GC: variants seen among roughly 807,000 people sequenced by gnomAD.
GC encodes GC vitamin D binding protein, also known as vitamin D-binding protein.
In GC, 43 loss-of-function variants were observed where a neutral mutation model predicts 56.7. The ratio of observed to expected loss-of-function variants is 0.76; its 90% confidence interval spans 0.59 to 0.98. The LOEUF (loss-of-function observed/expected upper bound fraction) is 0.98, where lower values mean the gene tolerates loss of function less well. Ranked by LOEUF, GC falls within the 50% of genes least tolerant of loss-of-function variation. The pLI is 0.00. For synonymous variants in GC, 216 were observed against 202.7 expected (o/e 1.07, Z -0.56); for missense variants, 529 against 545.9 (o/e 0.97, Z 0.31).
Position 71,765,346 on chromosome 4 carries a change from A to G in GC, c.473+86T>C. The G allele has an allele frequency of 3.0e-6, 3 of 997,572 alleles. No individual in the cohort carries two copies. In the South Asian group the frequency reaches 3.9e-5, roughly 13 times the overall value. The allele number at this position is 997,572 out of a possible 1,614,324, so 61.8% of individuals were successfully genotyped here. On this transcript the variant is annotated intron_variant, in intron 4 of 12. Transcript: ENST00000273951. ...GAATTTGTTCAGGTTGCTGTAGAAG[A>G]GGTGTTTCCACAGAGTAGGGGGTTA...
At chr4:71,765,348 G>A (rs1427254683) in intron 4 of GC, 84 bp downstream of exon 4, 9 of 1,031,138 alleles carry the variant, frequency 8.7e-6, no homozygotes, top group African/African-American at 6.3e-5. Context: ...TGTAGAAGAG[G>A]TGTTTCCACA....
chr4:71,795,521 C>T (rs1743076435), intron 1 of GC, among the ~76,000 whole-genome samples: 1 of 152,186 alleles, frequency 6.6e-6, no homozygotes, highest in South Asian at 2.1e-4. Flanking sequence ...AGATCTTCCT[C>T]CATCCCTTTA....
intron 3 of GC, among the ~76,000 whole-genome samples, chr4:71,767,654 T>G (rs983011164): frequency 1.3e-5 from 2 of 148,920 alleles, no homozygotes; most frequent in Admixed American, 1.3e-4. Flanking sequence ...AATGTATATA[T>G]ACATATATAT....
intron 8 of GC, among the ~76,000 whole-genome samples, chr4:71,756,292 C>T (rs1194804798): frequency 1.3e-5 from 2 of 152,128 alleles, no homozygotes; most frequent in East Asian, 3.9e-4. Context: ...GCATTGTATG[C>T]AAATATGTGT....
intron 1 of GC, among the ~76,000 whole-genome samples, chr4:71,781,084 A>C (rs1009240226): frequency 6.6e-6 from 1 of 152,136 alleles, no homozygotes; most frequent in African/African-American, 2.4e-5. Flanking sequence ...TGTCTTTTGC[A>C]GGGACATGGG....
intron 8 of GC, 26 bp downstream of exon 8, chr4:71,756,686 A>C (rs222033): frequency 1 from 1,529,087 of 1,530,730 alleles, 763,735 homozygotes; most frequent in East Asian, 1. Flanking sequence ...AAAATGGGAA[A>C]ACGTTTTCAC....
intron 2 of GC, 39 bp downstream of exon 2, chr4:71,769,292 T>A (rs1032807040): frequency 6.9e-7 from 1 of 1,453,724 alleles, no homozygotes; most frequent in East Asian, 2.3e-5. Context: ...TTGTTCAAGA[T>A]CAAATCACCA....
chr4:71,783,716 T>G (rs543875443), intron 1 of GC, among the ~76,000 whole-genome samples: 1 of 151,866 alleles, frequency 6.6e-6, no homozygotes, highest in South Asian at 2.1e-4. Flanking sequence ...AAGAGATAAT[T>G]GACAAATTAT....
chr4:71,796,658 A>G (rs1743113745), intron 1 of GC, among the ~76,000 whole-genome samples: 1 of 152,148 alleles, frequency 6.6e-6, no homozygotes, highest in Non-Finnish European at 1.5e-5. Flanking sequence ...TCTGAAGCCT[A>G]CTTCTGTCAG....
rs1741595333 is a variant in GC, at chr4:71,752,635, T to C, written c.1278A>G (p.Leu426=). ...TEYKKKLAER[L]KAKLPDATPT... ...GTGTGGCATCAGGCAATTTTGCTTT[T>C]AGTCGCTCTGCCAGTCTGAAAAACC... Residue 426 remains leucine, a synonymous_variant, in exon 11 of 13, where the codon CTA becomes CTG. Coordinates refer to ENST00000273951, the MANE Select transcript of GC (RefSeq NM_000583.4). 2.5e-6 allele frequency: 4 copies of C among 1,613,362 alleles called. No individual in the cohort carries two copies. Among genetic ancestry groups the C allele is most frequent in the Admixed American group, 3.3e-5 (2 of 59,918 alleles).
intron 4 of GC, 56 bp downstream of exon 4, chr4:71,765,376 A>T: frequency 7.5e-7 from 1 of 1,341,126 alleles, no homozygotes; most frequent in Non-Finnish European, 1.1e-6. Flanking sequence ...GGGTTAGATT[A>T]GAGTCATTTC....
chr4:71,756,749 CTTTG>C lies in GC; in HGVS notation c.993_996del (p.Asn331LysfsTer19), dbSNP rs1560693929. 6 of 1,613,762 alleles carry C rather than the reference CTTTG, an allele frequency of 3.7e-6. No individual in the cohort carries two copies. Among genetic ancestry groups the C allele is most frequent in the East Asian group, 2.2e-5 (1 of 44,866 alleles). ...TTGGTGTTTCCTGGATCACACACAT[CTTTG>C]TTTGTGGGCAACTCTACATCTGGAA... On this transcript the variant is annotated frameshift_variant, in exon 8 of 13. Transcript: ENST00000273951. LOFTEE classifies it high-confidence loss of function.
At chr4:71,786,396 A>G (rs185747058), upstream of GC, among the ~76,000 whole-genome samples, 1 of 151,810 alleles carries the variant, frequency 6.6e-6, no homozygotes, top group African/African-American at 2.4e-5. Context: ...TGGGGAAAAA[A>G]TGGGTGAAAA....
At position 71,765,429 on chromosome 4, in the gene GC, C is replaced by A. The variant is rs1259014947; in HGVS notation, c.473+3G>T. On this transcript the variant is annotated splice_donor_region_variant and intron_variant, in intron 4 of 12. Coordinates refer to ENST00000273951, the MANE Select transcript of GC (RefSeq NM_000583.4). The stretch of plus-strand genomic sequence containing the variant: ...AAGTTCTATTTATGATGAAGGCACT[C>A]ACTGATTAGCATATTCCTTTGGATC... 2 of 1,608,932 alleles carry A rather than the reference C, an allele frequency of 1.2e-6. No individual in the cohort carries two copies.
At chr4:71,758,554 C>T (rs937437162) in intron 6 of GC, among the ~76,000 whole-genome samples, 1 of 152,078 alleles carries the variant, frequency 6.6e-6, no homozygotes, top group African/African-American at 2.4e-5. Flanking sequence ...TTTATAAATT[C>T]TTTTAGAAAC....
At chr4:71,785,759 G>C (rs747565156), upstream of GC, among the ~76,000 whole-genome samples, 1 of 151,678 alleles carries the variant, frequency 6.6e-6, no homozygotes, top group African/African-American at 2.4e-5. Flanking sequence ...ATTTAAAAAT[G>C]TATTTTAGTT....
At chr4:71,750,900 C>CA (rs10550263) in intron 11 of GC, among the ~76,000 whole-genome samples, 1 of 151,690 alleles carries the variant, frequency 6.6e-6, no homozygotes, top group African/African-American at 2.4e-5. Context: ...AACAAACAAA[C>CA]AAAAAAAAAA....
intron 6 of GC, among the ~76,000 whole-genome samples, chr4:71,762,626 C>T (rs1319247461): frequency 2.0e-5 from 3 of 152,160 alleles, no homozygotes; most frequent in African/African-American, 7.2e-5. Context: ...TTCCACATGT[C>T]ATAGGAAGAA....
upstream of GC, among the ~76,000 whole-genome samples, chr4:71,788,129 A>G (rs993708812): frequency 2.6e-5 from 4 of 151,972 alleles, no homozygotes; most frequent in Admixed American, 2.6e-4. Flanking sequence ...GAAGGAATTT[A>G]AATGCCTAGA....
Sources: gnomAD v4.1 joint callset for allele counts (sites outside exome capture counted in the v4.1 genomes callset) on GRCh38, gnomAD v4.1.1 for gene constraint, MANE v1.5 for transcripts, NCBI Gene and HGNC (gene_info 2026-07-23, HGNC 2026-07-21) for gene names.